The following ZNF420 variants were observed in gnomAD, a reference collection of about 807,000 sequenced individuals.
ZNF420 encodes the protein ATM and p53-associated KZNF protein.
Under a neutral mutation model 44.7 loss-of-function variants are expected in ZNF420, and 31 were observed. That is an observed-to-expected ratio of 0.69 (90% confidence interval 0.52 to 0.94). The LOEUF is 0.94. Ranked by LOEUF, ZNF420 falls within the 40% of genes least tolerant of loss-of-function variation. The pLI is 0.00. For missense variants in ZNF420, 681 were observed against 827.9 expected (o/e 0.82, Z 2.18); for synonymous variants, 245 against 267.4 (o/e 0.92, Z 0.82).
intron 1 of ZNF420, among the ~76,000 whole-genome samples, chr19:37,016,031 C>G (rs1432056085): frequency 6.6e-6 from 1 of 152,168 alleles, no homozygotes; most frequent in Non-Finnish European, 1.5e-5. Flanking sequence ...TGAGTGTTTC[C>G]TCCTCAACAC....
At chr19:37,103,980 C>T (rs760462901) in intron 4 of ZNF420, among the ~76,000 whole-genome samples, 64 of 139,128 alleles carry the variant, frequency 4.6e-4, no homozygotes, top group Middle Eastern at 3.8e-3. Context: ...TTTTTTTTGT[C>T]TTTTTTTTTT....
intron 1 of ZNF420, among the ~76,000 whole-genome samples, chr19:37,046,975 G>C (rs189571927): frequency 1.1e-4 from 16 of 141,190 alleles, no homozygotes; most frequent in African/African-American, 3.9e-4. Context: ...GTGCACTTTA[G>C]GCCATTTGAA....
intron 4 of ZNF420, among the ~76,000 whole-genome samples, chr19:37,098,916 T>C (rs1969609096): frequency 6.6e-6 from 1 of 152,234 alleles, no homozygotes; most frequent in South Asian, 2.1e-4. Flanking sequence ...GTTCCACATA[T>C]GAGTGAGATC....
At chr19:37,024,085 A>G (rs1254068028) in intron 1 of ZNF420, among the ~76,000 whole-genome samples, 1 of 152,118 alleles carries the variant, frequency 6.6e-6, no homozygotes, top group African/African-American at 2.4e-5. Context: ...TGCTACTTGG[A>G]GGCTTCATCT....
intron 1 of ZNF420, among the ~76,000 whole-genome samples, chr19:37,042,752 A>C (rs1967478153): frequency 6.6e-6 from 1 of 152,120 alleles, no homozygotes; most frequent in East Asian, 1.9e-4. Flanking sequence ...TTTTCTTTGC[A>C]CTTACAACTT....
chr19:37,055,886 C>T (rs1026761574), intron 1 of ZNF420, among the ~76,000 whole-genome samples: 6 of 152,146 alleles, frequency 3.9e-5, no homozygotes, highest in Non-Finnish European at 5.9e-5. Flanking sequence ...GGGTGAGTCT[C>T]CCCAAAAGTC....
At chr19:37,118,952 G>T (rs1156554123) in intron 4 of ZNF420, among the ~76,000 whole-genome samples, 1 of 152,164 alleles carries the variant, frequency 6.6e-6, no homozygotes, top group African/African-American at 2.4e-5. Context: ...CGATACAGGA[G>T]CACCCAGATT....
chr19:37,107,067 C>T (rs961939721), intron 4 of ZNF420: 1 of 152,172 alleles, frequency 6.6e-6, no homozygotes, highest in Non-Finnish European at 1.5e-5. Flanking sequence ...TACACTGAGA[C>T]ATTCTATTGC....
chr19:37,091,216 ATTTCTT>A (rs1044544250), intron 4 of ZNF420, 95 bp downstream of exon 4: 23 of 1,270,710 alleles, frequency 1.8e-5, no homozygotes, highest in African/African-American at 9.2e-5. Context: ...AATTAACTGA[ATTTCTT>A]ATTCTTTTCA....
intron 1 of ZNF420, among the ~76,000 whole-genome samples, chr19:37,043,563 G>T (rs930966846): frequency 6.6e-6 from 1 of 151,510 alleles, no homozygotes; most frequent in Non-Finnish European, 1.5e-5. Context: ...TGCTCTTCTT[G>T]CCCAGGCATA....
chr19:37,062,174 T>C (rs911164800), intron 1 of ZNF420, among the ~76,000 whole-genome samples: 2 of 152,174 alleles, frequency 1.3e-5, no homozygotes, highest in African/African-American at 4.8e-5. Context: ...TGTTTTCTCC[T>C]CAGATGTGGA....
intron 1 of ZNF420, among the ~76,000 whole-genome samples, chr19:37,050,750 T>C (rs1482127152): frequency 6.6e-6 from 1 of 152,206 alleles, no homozygotes; most frequent in Non-Finnish European, 1.5e-5. Context: ...TCCAACACCA[T>C]GTTGAATAGG....
chr19:37,110,725 G>GTC (rs1463498626), intron 4 of ZNF420, among the ~76,000 whole-genome samples: 1 of 152,136 alleles, frequency 6.6e-6, no homozygotes, highest in Non-Finnish European at 1.5e-5. Context: ...TCTGCTCTTT[G>GTC]AGCCAATTGA....
chr19:37,100,538 C>T (rs969279762), intron 4 of ZNF420, among the ~76,000 whole-genome samples: 1 of 152,016 alleles, frequency 6.6e-6, no homozygotes. Flanking sequence ...CATGGCGAAA[C>T]CCCATCTCTA....
chr19:37,051,256 C>T (rs1281895456), intron 1 of ZNF420, among the ~76,000 whole-genome samples: 1 of 152,090 alleles, frequency 6.6e-6, no homozygotes, highest in East Asian at 1.9e-4. Context: ...GGGAGGATTC[C>T]CTCTTTTTCT....
intron 1 of ZNF420, among the ~76,000 whole-genome samples, chr19:37,013,990 G>A (rs1477192379): frequency 1.3e-5 from 2 of 152,172 alleles, no homozygotes; most frequent in Non-Finnish European, 2.9e-5. Context: ...AGGGGGCTAT[G>A]GGGACCTTCG....
chr19:37,106,311 T>TTACATTTATTGATTTGCA (rs1215509843), intron 4 of ZNF420, among the ~76,000 whole-genome samples: 2 of 152,208 alleles, frequency 1.3e-5, no homozygotes, highest in African/African-American at 4.8e-5. Context: ...ATATGCTGGA[T>TTACATTTATTGATTTGCA]TACATTTATT....
intron 1 of ZNF420, among the ~76,000 whole-genome samples, chr19:37,037,307 G>A (rs1278499029): frequency 6.6e-6 from 1 of 152,222 alleles, no homozygotes; most frequent in Admixed American, 6.5e-5. Context: ...ACCTTCTCAA[G>A]CGCAGGATTC....
At chr19:37,070,290 T>TA (rs1260355109) in intron 1 of ZNF420, among the ~76,000 whole-genome samples, 5 of 151,782 alleles carry the variant, frequency 3.3e-5, no homozygotes, top group Non-Finnish European at 5.9e-5. Context: ...AGAGATTTTA[T>TA]AAAAAAAATT....
Sources: gnomAD v4.1 joint callset for allele counts (sites outside exome capture counted in the v4.1 genomes callset) on GRCh38, gnomAD v4.1.1 for gene constraint, MANE v1.5 for transcripts, NCBI Gene and HGNC (gene_info 2026-07-23, HGNC 2026-07-21) for gene names.